The following TUSC3 variants were observed in gnomAD, a reference collection of about 807,000 sequenced individuals.
TUSC3 encodes the protein tumor suppressor candidate 3.
Under a neutral mutation model 44.8 loss-of-function variants are expected in TUSC3, and 45 were observed. The ratio of observed to expected loss-of-function variants is 1.00; its 90% CI spans 0.79 to 1.29. The LOEUF (loss-of-function observed/expected upper bound fraction) is 1.29. Among genes scored for constraint, TUSC3 ranks in the 50% most tolerant of loss-of-function variants. The pLI is 0.00. For synonymous variants in TUSC3, 212 were observed against 152.9 expected (o/e 1.39, Z -2.85); for missense variants, 519 against 437.9 (o/e 1.19, Z -1.65).
chr8:15,600,529 G>C (rs1804241975), intron 1 of TUSC3, among the ~76,000 whole-genome samples: 1 of 151,512 alleles, frequency 6.6e-6, no homozygotes, highest in South Asian at 2.1e-4. Context: ...AAATTTGTTA[G>C]GCAAATAGAA....
intron 1 of TUSC3, among the ~76,000 whole-genome samples, chr8:15,613,003 C>T (rs1179624628): frequency 6.6e-6 from 1 of 150,716 alleles, no homozygotes. Context: ...TGGCACTAAG[C>T]CGTTTACTTA....
chr8:15,648,137 G>A (rs1044610341), intron 2 of TUSC3, among the ~76,000 whole-genome samples: 1 of 151,992 alleles, frequency 6.6e-6, no homozygotes, highest in African/African-American at 2.4e-5. Context: ...TGGACTCTAG[G>A]TCCTTCTCAT....
intron 1 of TUSC3, among the ~76,000 whole-genome samples, chr8:15,546,620 C>A (rs1367144900): frequency 6.6e-6 from 1 of 151,666 alleles, no homozygotes; most frequent in Non-Finnish European, 1.5e-5. Context: ...ACTGCAACCT[C>A]TGCCTCCTGG....
At chr8:15,422,822 T>C (rs1799754295) in intron 1 of TUSC3, among the ~76,000 whole-genome samples, 2 of 152,070 alleles carry the variant, frequency 1.3e-5, no homozygotes, top group Admixed American at 6.6e-5. Flanking sequence ...TTTGTATTTT[T>C]TGTAGAGATG....
At chr8:15,779,641 A>G in the TUSC3 span, among the ~76,000 whole-genome samples, 1 of 152,200 alleles carries the variant, frequency 6.6e-6, no homozygotes, top group Non-Finnish European at 1.5e-5. Context: ...AAGAGTAAAA[A>G]TGTAACATAT....
At chr8:15,735,377 A>C (rs2129210262) in intron 7 of TUSC3, among the ~76,000 whole-genome samples, 1 of 152,352 alleles carries the variant, frequency 6.6e-6, no homozygotes, top group East Asian at 1.9e-4. Context: ...TGTAGGATAG[A>C]AATATGGAGG....
chr8:15,521,327 C>T (rs1364133698), intron 2 of TUSC3, among the ~76,000 whole-genome samples: 1 of 152,072 alleles, frequency 6.6e-6, no homozygotes, highest in Non-Finnish European at 1.5e-5. Flanking sequence ...ACAATATACC[C>T]TTAACTAACC....
chr8:15,546,145 T>TTC (rs1801857034), intron 1 of TUSC3, among the ~76,000 whole-genome samples: 1 of 151,874 alleles, frequency 6.6e-6, no homozygotes, highest in Non-Finnish European at 1.5e-5. Flanking sequence ...AAATGGATAT[T>TTC]TCTCCTGGTC....
At chr8:15,781,959 C>G in the TUSC3 span, among the ~76,000 whole-genome samples, 1 of 152,152 alleles carries the variant, frequency 6.6e-6, no homozygotes, top group African/African-American at 2.4e-5. Context: ...ATGGCAAAAG[C>G]CAGTCTCTAC....
At position 15,658,189 on chromosome 8, in the gene TUSC3, G is replaced by A. The variant is rs151223758; in HGVS notation, c.427-1318G>A. On this transcript the variant is annotated intron_variant, in intron 3 of 10. Transcript: ENST00000503731. ...GCAGTAGTGTTTGAAGAGCACTAATGTAGATAACATGGAGGTAAATAATGG... is the reference window on the plus strand; with the variant it reads ...GCAGTAGTGTTTGAAGAGCACTAATATAGATAACATGGAGGTAAATAATGG... 5.2e-3 allele frequency among the ~76,000 whole-genome samples: 795 copies of A among 152,262 alleles called. 6 individuals are homozygous for A. The highest frequency in any genetic ancestry group is 0.018 in the African/African-American group (754 of 41,560).
At chr8:15,562,307 A>C (rs555216339) in intron 1 of TUSC3, among the ~76,000 whole-genome samples, 1 of 152,230 alleles carries the variant, frequency 6.6e-6, no homozygotes, top group Non-Finnish European at 1.5e-5. Context: ...CTTATTTCTT[A>C]GTGTGGCATA....
chr8:15,427,248 T>A (rs1249580846), intron 1 of TUSC3, among the ~76,000 whole-genome samples: 10 of 151,308 alleles, frequency 6.6e-5, no homozygotes, highest in African/African-American at 2.2e-4. Context: ...TTTTTTAGTT[T>A]AGTTTAATAT....
At chr8:15,780,228 T>G in the TUSC3 span, among the ~76,000 whole-genome samples, 33 of 152,188 alleles carry the variant, frequency 2.2e-4, no homozygotes, top group African/African-American at 7.5e-4. Flanking sequence ...ATATCAACCT[T>G]AAATGGGTAG....
At chr8:15,782,227 C>G in the TUSC3 span, among the ~76,000 whole-genome samples, 1 of 152,186 alleles carries the variant, frequency 6.6e-6, no homozygotes, top group Non-Finnish European at 1.5e-5. Flanking sequence ...AGTCCCAGCA[C>G]TTTGGGATGC....
At chr8:15,843,020 A>G in the TUSC3 span, among the ~76,000 whole-genome samples, 1 of 152,220 alleles carries the variant, frequency 6.6e-6, no homozygotes, top group African/African-American at 2.4e-5. Flanking sequence ...GCCTGAGAAC[A>G]TGAGTATATT....
rs186861205 is a variant in TUSC3, at chr8:15,679,356, G to T, written c.798+5520G>T. Among the ~76,000 whole-genome samples, 75 of 152,186 alleles carry T rather than the reference G, an allele frequency of 4.9e-4. 1 individual carries two copies. Among genetic ancestry groups the T allele is most frequent in the Non-Finnish European group, 1.3e-4 (9 of 67,978 alleles). ...TTGATTGGCGTTTCTCTGATGATTA[G>T]TGTTGATGAGCATTTTTTCATGTTT... On this transcript the variant is annotated intron_variant, in intron 6 of 10. Transcript: ENST00000503731.
At chr8:15,800,702 G>C in the TUSC3 span, among the ~76,000 whole-genome samples, 1 of 152,292 alleles carries the variant, frequency 6.6e-6, no homozygotes, top group Non-Finnish European at 1.5e-5. Context: ...CTGCTCTGCA[G>C]AATGTAGAAA....
At chr8:15,419,049 C>A (rs1243907433) in intron 1 of TUSC3, among the ~76,000 whole-genome samples, 1 of 152,090 alleles carries the variant, frequency 6.6e-6, no homozygotes, top group Middle Eastern at 3.2e-3. Context: ...AAGTATCTTG[C>A]AGCCAAATTT....
intron 2 of TUSC3, among the ~76,000 whole-genome samples, chr8:15,503,091 A>G (rs1001261741): frequency 2.6e-5 from 4 of 152,186 alleles, no homozygotes; most frequent in African/African-American, 4.8e-5. Flanking sequence ...TGAAGTCTTA[A>G]ATCCCCAGAA....
Sources: gnomAD v4.1 joint callset for allele counts (sites outside exome capture counted in the v4.1 genomes callset) on GRCh38, gnomAD v4.1.1 for gene constraint, MANE v1.5 for transcripts, NCBI Gene and HGNC (gene_info 2026-07-23, HGNC 2026-07-21) for gene names.